Variants in PTPRD observed in about 807,000 individuals in gnomAD.
PTPRD encodes receptor-type tyrosine-protein phosphatase delta.
Under a neutral mutation model 214.5 loss-of-function variants are expected in PTPRD, and 34 were observed. The ratio of observed to expected loss-of-function variants is 0.16; its 90% CI spans 0.12 to 0.21. The LOEUF (loss-of-function observed/expected upper bound fraction) is 0.21, where lower values mean the gene tolerates loss of function less well. Ranked by LOEUF, PTPRD falls within the 10% of genes least tolerant of loss-of-function variation. PTPRD has a pLI of 1.00. For synonymous variants in PTPRD, 1,128 were observed against 845.7 expected (o/e 1.33, Z -5.79); for missense variants, 2,545 against 2,398.7 (o/e 1.06, Z -1.27).
intron 3 of PTPRD, among the ~76,000 whole-genome samples, chr9:10,331,112 T>C (rs1269829315): frequency 6.6e-6 from 1 of 151,840 alleles, no homozygotes; most frequent in Non-Finnish European, 1.5e-5. Context: ...AACTACTCCA[T>C]CAACTCTCAC....
intron 2 of PTPRD, among the ~76,000 whole-genome samples, chr9:10,438,812 G>A (rs2098739595): frequency 6.6e-6 from 1 of 151,634 alleles, no homozygotes; most frequent in African/African-American, 2.4e-5. Flanking sequence ...TCATCTGTGG[G>A]AAGGGTTATA....
chr9:9,239,045 C>A (rs930285735), intron 9 of PTPRD, among the ~76,000 whole-genome samples: 18 of 152,072 alleles, frequency 1.2e-4, no homozygotes, highest in African/African-American at 3.9e-4. Context: ...GGCAAATATG[C>A]CTCAAACTCC....
Position 10,524,928 on chromosome 9 carries a change from A to T in PTPRD, c.-600+87470T>A, listed in dbSNP as rs115987989. ...AAACAAACCAAAATATGATGCTAAA[A>T]AAAAAAGCAAAATAAGTGTAATATA... On this transcript the variant is annotated intron_variant, in intron 2 of 45. Coordinates refer to ENST00000381196, the MANE Select transcript of PTPRD (RefSeq NM_002839.4). 5.0e-3 allele frequency among the ~76,000 whole-genome samples: 754 copies of T among 152,136 alleles called. 10 individuals carry two copies. Among genetic ancestry groups the T allele is most frequent in the African/African-American group, 0.017 (719 of 41,538 alleles).
intron 12 of PTPRD, chr9:8,701,420 A>AGGTC (rs2098081135): frequency 6.6e-6 from 1 of 152,214 alleles, no homozygotes; most frequent in Admixed American, 6.5e-5. Context: ...GGATCACTTG[A>AGGTC]GGTCGGGAGC....
At chr9:8,999,856 A>G (rs1481210985) in intron 11 of PTPRD, among the ~76,000 whole-genome samples, 1 of 152,024 alleles carries the variant, frequency 6.6e-6, no homozygotes, top group Admixed American at 6.6e-5. Context: ...AGCTTTGTGG[A>G]ACAGGGGGAT....
At chr9:8,952,544 G>A (rs933922935) in intron 11 of PTPRD, among the ~76,000 whole-genome samples, 1 of 151,890 alleles carries the variant, frequency 6.6e-6, no homozygotes, top group African/African-American at 2.4e-5. Context: ...ATGGGGAAAT[G>A]AAGATTTCTT....
chr9:8,646,617 T>G (rs2096698561), intron 12 of PTPRD, among the ~76,000 whole-genome samples: 1 of 152,220 alleles, frequency 6.6e-6, no homozygotes, highest in Non-Finnish European at 1.5e-5. Flanking sequence ...CTTGGAAGCC[T>G]TCTTTGATCT....
chr9:10,281,450 C>T (rs2095107229), intron 3 of PTPRD, among the ~76,000 whole-genome samples: 1 of 152,016 alleles, frequency 6.6e-6, no homozygotes. Context: ...ATGTCCAAAT[C>T]TCACCTAATA....
intron 14 of PTPRD, among the ~76,000 whole-genome samples, chr9:8,615,699 T>C (rs759170041): frequency 3.9e-5 from 6 of 152,016 alleles, no homozygotes; most frequent in Non-Finnish European, 8.8e-5. Context: ...TTAATAGCTG[T>C]ATTCTAACTT....
chr9:8,371,725 T>G (rs1051190974), intron 39 of PTPRD, among the ~76,000 whole-genome samples: 71 of 152,074 alleles, frequency 4.7e-4, no homozygotes, highest in African/African-American at 1.7e-3. Context: ...GAAGCCAGTT[T>G]GCAACCTCTG....
At chr9:9,607,519 A>G (rs1204725404) in intron 7 of PTPRD, among the ~76,000 whole-genome samples, 4 of 152,132 alleles carry the variant, frequency 2.6e-5, no homozygotes, top group African/African-American at 9.7e-5. Flanking sequence ...GAGTCTAACC[A>G]CTTTCTTTAA....
At chr9:10,113,793 G>C (rs1019422413) in intron 3 of PTPRD, among the ~76,000 whole-genome samples, 1 of 152,204 alleles carries the variant, frequency 6.6e-6, no homozygotes, top group South Asian at 2.1e-4. Flanking sequence ...AGTGGGGCCT[G>C]TGATTCTGCA....
intron 2 of PTPRD, among the ~76,000 whole-genome samples, chr9:10,589,795 T>TGA (rs2074968061): frequency 6.6e-6 from 1 of 152,132 alleles, no homozygotes; most frequent in African/African-American, 2.4e-5. Context: ...GGAGGTCAAG[T>TGA]GATAGCTGAT....
chr9:9,884,700 G>A (rs887102945), intron 5 of PTPRD, among the ~76,000 whole-genome samples: 6 of 152,106 alleles, frequency 3.9e-5, no homozygotes, highest in Non-Finnish European at 8.8e-5. Flanking sequence ...AAAGGTAATT[G>A]AATCATGGGG....
intron 2 of PTPRD, among the ~76,000 whole-genome samples, chr9:10,421,522 C>T (rs902568774): frequency 6.6e-6 from 1 of 151,734 alleles, no homozygotes; most frequent in Non-Finnish European, 1.5e-5. Context: ...TTTTACTGAG[C>T]CAGTTTAAGG....
intron 14 of PTPRD, among the ~76,000 whole-genome samples, chr9:8,582,544 T>C (rs2093267254): frequency 6.6e-6 from 1 of 152,094 alleles, no homozygotes; most frequent in Non-Finnish European, 1.5e-5. Flanking sequence ...GTGCATACCT[T>C]ATTGAGAACA....
rs759863465 is a variant in PTPRD at position 8,882,884 on chromosome 9, C to CAAAA, written c.-104+135809_-104+135812dup. On this transcript the variant is annotated intron_variant, in intron 11 of 45. Coordinates refer to ENST00000381196, the MANE Select transcript of PTPRD (RefSeq NM_002839.4). The stretch of plus-strand genomic sequence containing the variant: ...TGGGTGACGGAGCAAGGCTCTGTCT[C>CAAAA]AAAAAAAAAAAAGGTATTTTAGAGC... 2.9e-4 allele frequency among the ~76,000 whole-genome samples: 29 copies of CAAAA among 101,028 alleles called. 1 individual carries two copies. The East Asian group carries it at 3.2e-3, about 11-fold the overall frequency. 66.3% of individuals were successfully genotyped at this position (101,028 alleles called of 152,430 possible).
At chr9:9,419,414 C>T (rs1587887432) in intron 8 of PTPRD, among the ~76,000 whole-genome samples, 2 of 150,652 alleles carry the variant, frequency 1.3e-5, no homozygotes, top group Non-Finnish European at 3.0e-5. Flanking sequence ...ATTAATGACT[C>T]TTCAACAGTT....
intron 7 of PTPRD, among the ~76,000 whole-genome samples, chr9:9,579,400 G>T (rs1340360680): frequency 6.6e-6 from 1 of 152,154 alleles, no homozygotes; most frequent in East Asian, 1.9e-4. Flanking sequence ...CAGAGAGCTA[G>T]TAAGTAATAT....
Sources: allele counts gnomAD v4.1 joint callset (sites outside exome capture counted in the v4.1 genomes callset), GRCh38; gene constraint gnomAD v4.1.1; transcripts MANE v1.5; gene names NCBI Gene and HGNC (gene_info 2026-07-23, HGNC 2026-07-21).